KNDC1: variants seen among roughly 807,000 people sequenced by gnomAD.
KNDC1 encodes the protein kinase non-catalytic C-lobe domain containing 1.
In KNDC1, 106 loss-of-function variants were observed where a neutral mutation model predicts 172.8. That is an observed-to-expected ratio of 0.61 (90% confidence interval 0.52 to 0.72). KNDC1 has a LOEUF of 0.72. Ranked by LOEUF, KNDC1 falls within the 30% of genes least tolerant of loss-of-function variation. KNDC1 has a pLI of 0.00. For synonymous variants in KNDC1, 1,083 were observed against 1,062.2 expected, an observed-to-expected ratio of 1.02 and a Z score of -0.38; for missense variants, 2,325 against 2,394.5, an observed-to-expected ratio of 0.97 and a Z score of 0.61.
rs529635905 is a variant in KNDC1, at chr10:133,202,682, C to T, written c.3387+784C>T. On this transcript the variant is annotated intron_variant, in intron 17 of 29. Coordinates refer to ENST00000304613, the MANE Select transcript of KNDC1 (RefSeq NM_152643.8). ...GGGCTCCTCCTTGCTCCTCTCCTGC[C>T]GCCTCCTGGCCTGCACTTTATGACT... 2.6e-4 allele frequency: 121 copies of T among 456,656 alleles called. 2 individuals are homozygous for T. Among genetic ancestry groups the T allele is most frequent in the South Asian group, 1.6e-3 (104 of 64,568 alleles). The allele number at this position is 456,656 out of a possible 1,614,324, so 28.3% of individuals were successfully genotyped here.
At chr10:133,217,334 C>T (rs777791653) in intron 26 of KNDC1, among the ~76,000 whole-genome samples, 2 of 152,260 alleles carry the variant, frequency 1.3e-5, no homozygotes, top group African/African-American at 4.8e-5. Flanking sequence ...TCAAGCTCCT[C>T]TCAAGGCGCT....
chr10:133,198,318 C>CA lies in KNDC1; in HGVS notation c.1907-18dup. The stretch of plus-strand genomic sequence containing the variant: ...GGGCCACTCCGCCCGCCCACACCCT[C>CA]AGCCCCCTGGCTCCCCAGGCTTCCT... On this transcript the variant is annotated intron_variant, in intron 12 of 29. Coordinates refer to ENST00000304613, the MANE Select transcript of KNDC1 (RefSeq NM_152643.8). 6.5e-7 allele frequency: 1 copy of CA among 1,549,094 alleles called. No homozygotes were observed. Among genetic ancestry groups the CA allele is most frequent in the Non-Finnish European group, 8.7e-7 (1 of 1,148,234 alleles).
chr10:133,202,727 G>T (rs1428090801), intron 17 of KNDC1: 1 of 453,894 alleles, frequency 2.2e-6, no homozygotes, highest in Non-Finnish European at 4.4e-6. Context: ...ACATGACCCG[G>T]TGTCCCTTCA....
Position 133,160,382 on chromosome 10 carries a change from C to A in KNDC1, c.-86C>A, listed in dbSNP as rs538969130. 910 of 640,338 alleles carry A rather than the reference C, an allele frequency of 1.4e-3. 11 individuals carry two copies. The African/African-American group carries it at 0.016, about 11-fold the overall frequency. 39.7% of individuals were successfully genotyped at this position (640,338 alleles called of 1,614,324 possible). On this transcript the variant is annotated 5_prime_UTR_variant, in exon 1 of 30. Transcript: ENST00000304613. ...GGCGGGGGCGGGCGAGGGCCGGGCG[C>A]GTCTCCATGGAGCCAGGGCGCGCGT...
chr10:133,222,264 T>A (rs140169777), intron 29 of KNDC1, among the ~76,000 whole-genome samples: 1 of 143,382 alleles, frequency 7.0e-6, no homozygotes, highest in Non-Finnish European at 1.5e-5. Context: ...GCCTGGGCGA[T>A]AGAGCGAGAC....
In KNDC1 at chr10:133,183,488, G is replaced by T; in HGVS notation, c.505G>T (p.Glu169Ter). Reference protein sequence around the residue: ...AEDPGDRPDLESIIALCEEKL... With the variant: ...AEDPGDRPDL ...GGACCCCGGGGACCGGCCGGACCTT[G>T]AGGTAAGCGAGGCTGCCCTGGGCCA... The change falls in exon 4 of 30, where the codon GAG becomes TAG. Residue 169 changes from glutamate (E) to a stop codon, truncating the protein, a stop_gained and splice_region_variant. Transcript: ENST00000304613. LOFTEE classifies it high-confidence loss of function. 1 of 1,598,762 alleles carries T rather than the reference G, an allele frequency of 6.3e-7. No homozygotes were observed.
At chr10:133,213,429 C>T (rs868433309) in intron 24 of KNDC1, among the ~76,000 whole-genome samples, 1 of 152,246 alleles carries the variant, frequency 6.6e-6, no homozygotes, top group South Asian at 2.1e-4. Flanking sequence ...AGTGATCCAC[C>T]TGCTGTCACG....
rs1450928220 is a variant in KNDC1 at position 133,167,598 on chromosome 10, T to C, written c.301+19T>C. ...CTCAGCGGTGAGGCGGCGGTGGCGG[T>C]GGCGGCGGCGGCGGGCACGCGGGGT... On this transcript the variant is annotated intron_variant, in intron 2 of 29. Transcript: ENST00000304613. The C allele has an allele frequency of 1.7e-5, 26 of 1,558,828 alleles. No individual in the cohort carries two copies. Among genetic ancestry groups the C allele is most frequent in the East Asian group, 2.4e-5 (1 of 41,884 alleles).
chr10:133,169,630 C>A (rs1043279626), intron 3 of KNDC1, among the ~76,000 whole-genome samples: 8 of 152,340 alleles, frequency 5.3e-5, no homozygotes, highest in Non-Finnish European at 4.4e-5. Flanking sequence ...AACCCAACTC[C>A]CTGCAGCAGT....
At chr10:133,219,844 T>TG in intron 28 of KNDC1, 111 bp from the exon 29 acceptor site, 2 of 1,076,712 alleles carry the variant, frequency 1.9e-6, no homozygotes, top group Non-Finnish European at 2.6e-6. Flanking sequence ...ACCCCGTGCG[T>TG]GGAGAACGCA....
At chr10:133,199,834 G>A (rs946265089) in intron 15 of KNDC1, among the ~76,000 whole-genome samples, 6 of 152,200 alleles carry the variant, frequency 3.9e-5, no homozygotes, top group Admixed American at 2.6e-4. Flanking sequence ...TCTGGAGGAC[G>A]AAAGGGCTTT....
intron 29 of KNDC1, among the ~76,000 whole-genome samples, chr10:133,222,160 G>GCT (rs780753338): frequency 1.9e-4 from 29 of 150,220 alleles, no homozygotes; most frequent in Non-Finnish European, 3.9e-4. Flanking sequence ...GCGGGCGCCT[G>GCT]TAGTCCCAGC....
chr10:133,212,707 G>A lies in KNDC1; in HGVS notation c.4237-9G>A. ...GCTTAGGCCCCTCAGTGCCCGGCCT[G>A]CCCTGCAGAGCTTCCCCTGGAGGCT... On this transcript the variant is annotated splice_polypyrimidine_tract_variant and intron_variant, in intron 23 of 29. Transcript: ENST00000304613. The A allele has an allele frequency of 6.2e-7, 1 of 1,611,386 alleles. No individual in the cohort carries two copies. Among genetic ancestry groups the A allele is most frequent in the Non-Finnish European group, 8.5e-7 (1 of 1,179,250 alleles).
At position 133,198,948 on chromosome 10, in the gene KNDC1, G is replaced by A. The variant is rs752309326; in HGVS notation, c.2440G>A (p.Asp814Asn). ...AGTTGCTTCCGGGGGCCTCAGGCCC[G>A]ACGCCCTGGGGCCCACCACGGCCCA... ...PGVASGGLRP[D>N]ALGPTTAHHG... The change falls in exon 14 of 30, where the codon GAC (aspartate) becomes AAC (asparagine). Residue 814 changes from aspartate to asparagine, a missense_variant. Physicochemically the swap from Asp to Asn is conservative, Grantham distance 23. Transcript: ENST00000304613. 2.1e-5 allele frequency: 32 copies of A among 1,549,240 alleles called. No homozygotes were observed. The highest frequency in any genetic ancestry group is 1.7e-4 in the Middle Eastern group (1 of 5,826).
chr10:133,222,462 T>TGA (rs1449187800), intron 29 of KNDC1, among the ~76,000 whole-genome samples: 1 of 42,396 alleles, frequency 2.4e-5, no homozygotes, highest in African/African-American at 6.7e-5. Context: ...TGTGTGTGTG[T>TGA]GAGAGCCCAT....
chr10:133,183,730 T>A, intron 4 of KNDC1, 142 bp from the exon 5 acceptor site: 1 of 798,614 alleles, frequency 1.3e-6, no homozygotes, highest in Non-Finnish European at 2.0e-6. Context: ...CTTTTCATAC[T>A]AGAAAATGGG....
Position 133,211,417 on chromosome 10 carries a change from TCCAGGGCCCA to T in KNDC1, c.3910_3919del (p.Ala1304ThrfsTer39). On this transcript the variant is annotated splice_acceptor_variant and splice_polypyrimidine_tract_variant and coding_sequence_variant and intron_variant, in exon 22 of 30. Transcript: ENST00000304613. LOFTEE classifies it high-confidence loss of function. ...GGCAGCTCAGCAGCTCCCCTGCGTC[TCCAGGGCCCA>T]CCAGGACCCCACCTCGACCTTCACC... The T allele has an allele frequency of 6.2e-7, 1 of 1,611,576 alleles. No homozygotes were observed.
In KNDC1 at chr10:133,198,827, C is replaced by G; in HGVS notation, c.2319C>G (p.Ala773=). 6.2e-7 allele frequency: 1 copy of G among 1,600,742 alleles called. No individual in the cohort carries two copies. The highest frequency in any genetic ancestry group is 8.5e-7 in the Non-Finnish European group (1 of 1,175,238). ...CCCCAGCAAACCAGCCAGAGGGGGC[C>G]TCATCGGCAGCTCCCGGCTCTCCAG... is the stretch of plus-strand genomic sequence containing the variant. ...PQAPANQPEG[A]SSAAPGSPVP... is the part of the protein sequence containing the mutation. Residue 773 remains alanine, a synonymous_variant, in exon 14 of 30, where the codon GCC becomes GCG. Transcript: ENST00000304613.
At chr10:133,178,824 C>T (rs1311354344) in intron 3 of KNDC1, 1 of 152,240 alleles carries the variant, frequency 6.6e-6, no homozygotes, top group Non-Finnish European at 1.5e-5. Flanking sequence ...GTGGTGTCTG[C>T]TCCCTGACAG....
Sources: allele counts gnomAD v4.1 joint callset (sites outside exome capture counted in the v4.1 genomes callset), GRCh38; gene constraint gnomAD v4.1.1; transcripts MANE v1.5; gene names NCBI Gene and HGNC (gene_info 2026-07-23, HGNC 2026-07-21).